The following ABCA1 variants were observed in gnomAD, a reference collection of about 807,000 sequenced individuals.
The protein encoded by ABCA1 is ATP binding cassette subfamily A member 1.
A neutral mutation model predicts 262.5 loss-of-function variants in ABCA1; 133 were observed. The observed-to-expected ratio is 0.51, with a 90% CI of 0.44 to 0.59. The LOEUF (loss-of-function observed/expected upper bound fraction) is 0.59, where lower values mean the gene tolerates loss of function less well. Among genes scored for constraint, ABCA1 ranks in the 20% least tolerant of loss-of-function variants. ABCA1 has a pLI of 0.00. For missense variants in ABCA1, 2,452 were observed against 2,777.5 expected (o/e 0.88, Z 2.63); for synonymous variants, 1,022 against 1,043.5 (o/e 0.98, Z 0.40).
chr9:104,816,502 G>A (rs530217147), intron 24 of ABCA1, among the ~76,000 whole-genome samples, 157 bp from the exon 25 acceptor site: 1 of 152,152 alleles, frequency 6.6e-6, no homozygotes, highest in Non-Finnish European at 1.5e-5. Context: ...CTGGTCTGAG[G>A]GTTGGGGGCA....
chr9:104,922,418 C>T (rs935881878), intron 1 of ABCA1, among the ~76,000 whole-genome samples: 1 of 152,138 alleles, frequency 6.6e-6, no homozygotes, highest in Non-Finnish European at 1.5e-5. Context: ...GGTAAACTCA[C>T]GGAAGCCAAA....
At chr9:104,808,155 G>C (rs1830960102) in intron 30 of ABCA1, among the ~76,000 whole-genome samples, 1 of 152,110 alleles carries the variant, frequency 6.6e-6, no homozygotes, top group African/African-American at 2.4e-5. Flanking sequence ...TTGAATTTCA[G>C]TAAGAATTGT....
At chr9:104,863,625 C>A (rs1399942156) in intron 5 of ABCA1, among the ~76,000 whole-genome samples, 1 of 152,184 alleles carries the variant, frequency 6.6e-6, no homozygotes, top group African/African-American at 2.4e-5. Context: ...CTGCTTTAGG[C>A]AAACTTCAGT....
rs1225776181 is a variant in ABCA1, at chr9:104,795,992, A to G, written c.5382+61T>C. On this transcript the variant is annotated intron_variant, in intron 39 of 49. Coordinates refer to ENST00000374736, the MANE Select transcript of ABCA1 (RefSeq NM_005502.4). ...AAGTGGAATAAGATCACAATTAAAC[A>G]CTGTCCTCTGGCTCCCAGAGATGCT... 4.4e-6 allele frequency: 7 copies of G among 1,608,116 alleles called. No individual in the cohort carries two copies. The Admixed American group carries it at 1.0e-4, about 23-fold the overall frequency.
Position 104,793,178 on chromosome 9 carries a change from T to A in ABCA1, c.5629A>T (p.Arg1877Trp), listed in dbSNP as rs1438198598. ...TTCTAAGAAAAAGCTCACCTGGGCC[T>A]GATGAAGAATCTGTACTGGATCAGA... The part of the protein sequence containing the change: ...TVLIQYRFFI[R>W]PRPVNAKLSP... Residue 1877 changes from arginine (R) to tryptophan (W), a missense_variant, in exon 41 of 50, where the codon AGG (arginine) becomes TGG (tryptophan). By Grantham distance (101) the Arg-to-Trp change is moderately radical. This residue lies in a region of ABCA1 where 752 missense variants were observed against 944.5 expected (regional missense o/e 0.80). Coordinates refer to ENST00000374736, the MANE Select transcript of ABCA1 (RefSeq NM_005502.4). The A allele has an allele frequency of 1.2e-6, 2 of 1,614,116 alleles. No homozygotes were observed. Among genetic ancestry groups the A allele is most frequent in the East Asian group, 4.5e-5 (2 of 44,882 alleles).
At chr9:104,862,401 G>A (rs1348487593) in intron 5 of ABCA1, among the ~76,000 whole-genome samples, 1 of 95,316 alleles carries the variant, frequency 1.0e-5, no homozygotes, top group African/African-American at 6.1e-5. Context: ...GAGCCACCAT[G>A]CCCGGTCTTT....
rs772632471 is a variant in ABCA1 at position 104,785,600 on chromosome 9, C to A, written c.6441G>T (p.Gly2147=). The A allele has an allele frequency of 6.2e-7, 1 of 1,614,052 alleles. No homozygotes were observed. The highest frequency in any genetic ancestry group is 2.2e-5 in the East Asian group (1 of 44,884). The change falls in exon 49 of 50, where the codon GGG becomes GGT. Residue 2147 remains glycine, a synonymous_variant. Coordinates refer to ENST00000374736, the MANE Select transcript of ABCA1 (RefSeq NM_005502.4). ...GGACAGGCTTCAGGTCCGGGTTGGA[C>A]CCTGCTATTCGTACAACTATTGTAT... ...DGYTIVVRIA[G]SNPDLKPVQD...
chr9:104,828,078 T>C (rs780779676), intron 15 of ABCA1, among the ~76,000 whole-genome samples: 16 of 152,216 alleles, frequency 1.1e-4, no homozygotes, highest in African/African-American at 3.6e-4. Context: ...AATTCGGATA[T>C]AAATATATTA....
At chr9:104,861,844 A>C in intron 5 of ABCA1, 44 bp from the exon 6 acceptor site, 5 of 703,454 alleles carry the variant, frequency 7.1e-6, no homozygotes, top group Admixed American at 4.4e-5. Flanking sequence ...AAGTAACTCA[A>C]AAAAAAAAAA....
intron 2 of ABCA1, among the ~76,000 whole-genome samples, chr9:104,891,657 T>C (rs1458058494): frequency 1.3e-5 from 2 of 151,110 alleles, no homozygotes; most frequent in Admixed American, 1.3e-4. Flanking sequence ...TGACAGTGGA[T>C]GTACTAGGAT....
At position 104,827,089 on chromosome 9, in the gene ABCA1, C is replaced by G; in HGVS notation, c.2196G>C (p.Gln732His). 6.2e-7 allele frequency: 1 copy of G among 1,614,200 alleles called. No individual in the cohort carries two copies. Among genetic ancestry groups the G allele is most frequent in the Non-Finnish European group, 8.5e-7 (1 of 1,180,036 alleles). Residue 732 changes from glutamine to histidine, a missense_variant, in exon 16 of 50, where the codon CAG (glutamine) becomes CAC (histidine). Coordinates refer to ENST00000374736, the MANE Select transcript of ABCA1 (RefSeq NM_005502.4). Reference sequence around the variant, plus strand: ...AGAAGAGTGTGCTAATCAGGAAGCACTGCAGGATTGTCACCACAGCAAACA... The same window carrying G: ...AGAAGAGTGTGCTAATCAGGAAGCAGTGCAGGATTGTCACCACAGCAAACA... ...LSVFAVVTIL[Q>H]CFLISTLFSR... is the part of the protein sequence containing the mutation.
At position 104,793,315 on chromosome 9, in the gene ABCA1, G is replaced by A. The variant is rs757209879; in HGVS notation, c.5507-15C>T. On this transcript the variant is annotated splice_polypyrimidine_tract_variant and intron_variant, in intron 40 of 49. Coordinates refer to ENST00000374736, the MANE Select transcript of ABCA1 (RefSeq NM_005502.4). ...GCGATTCTCCCCTAGTAGACACAAT[G>A]CAGAGATCCGGTCAGAATGGAGGGA... The A allele has an allele frequency of 6.2e-7, 1 of 1,614,062 alleles. No individual in the cohort carries two copies. The highest frequency in any genetic ancestry group is 8.5e-7 in the Non-Finnish European group (1 of 1,179,986).
rs1588300788 is a variant in ABCA1, at chr9:104,821,420, C to T, written c.2915G>A (p.Arg972Gln). The part of the protein sequence containing the change: ...KDIRSEMSTI[R>Q]QNLGVCPQHN... Reference sequence around the variant, plus strand: ...CTGGGGACAGACCCCCAGGTTCTGCCGGATGGTGCTCATCTCAGAGCGAAT... The same window carrying T: ...CTGGGGACAGACCCCCAGGTTCTGCTGGATGGTGCTCATCTCAGAGCGAAT... Residue 972 changes from arginine to glutamine, a missense_variant, in exon 20 of 50, where the codon CGG becomes CAG. Arg to Gln is a conservative substitution (Grantham distance 43). Coordinates refer to ENST00000374736, the MANE Select transcript of ABCA1 (RefSeq NM_005502.4). 2.5e-6 allele frequency: 4 copies of T among 1,613,968 alleles called. No homozygotes were observed. Among genetic ancestry groups the T allele is most frequent in the African/African-American group, 1.3e-5 (1 of 74,896 alleles).
Position 104,803,325 on chromosome 9 carries a change from A to G in ABCA1, c.4560-9T>C. 3 of 1,614,086 alleles carry G rather than the reference A, an allele frequency of 1.9e-6. No homozygotes were observed. The highest frequency in any genetic ancestry group is 2.5e-6 in the Non-Finnish European group (3 of 1,179,926). ...AGATCTTGTTCTTTAAGCTGCAGAGACAAAGAAACAAAAAATCAGTTCAAA... is the reference window on the plus strand; with the variant it reads ...AGATCTTGTTCTTTAAGCTGCAGAGGCAAAGAAACAAAAAATCAGTTCAAA... On this transcript the variant is annotated splice_polypyrimidine_tract_variant and intron_variant, in intron 32 of 49. Transcript: ENST00000374736.
At chr9:104,855,510 C>A (rs1835760995) in intron 7 of ABCA1, 2 of 723,364 alleles carry the variant, frequency 2.8e-6, no homozygotes. Context: ...TGGCTGAAAA[C>A]TTCTATCTTG....
chr9:104,788,636 A>G, intron 44 of ABCA1, 69 bp from the exon 45 acceptor site: 2 of 1,561,602 alleles, frequency 1.3e-6, no homozygotes, highest in Non-Finnish European at 1.8e-6. Flanking sequence ...AATCTGGCCT[A>G]ATGTTCCTGT....
intron 2 of ABCA1, among the ~76,000 whole-genome samples, chr9:104,891,397 TA>T (rs1839732589): frequency 6.6e-6 from 1 of 151,268 alleles, no homozygotes; most frequent in Non-Finnish European, 1.5e-5. Flanking sequence ...CCATCTCTAC[TA>T]AAAATACAAA....
rs777651708 is a variant in ABCA1 at position 104,861,713 on chromosome 9, T to C, written c.509A>G (p.Asp170Gly). 6.2e-7 allele frequency: 1 copy of C among 1,614,060 alleles called. No homozygotes were observed. The highest frequency in any genetic ancestry group is 2.2e-5 in the East Asian group (1 of 44,878). Residue 170 changes from aspartate to glycine, a missense_variant, in exon 6 of 50, where the codon GAC becomes GGC. This residue lies in a region of ABCA1 where 1,032 missense variants were observed against 1,089.7 expected (regional missense o/e 0.95). Transcript: ENST00000374736. ...AATGACATCAGCCCTCAGCATCTTG[T>C]CCACAGTAGACTTTGGGAGAGAGAG... ...HNLSLPKSTV[D>G]KMLRADVILH...
chr9:104,796,259 C>A, intron 38 of ABCA1, 50 bp downstream of exon 38: 1 of 1,613,936 alleles, frequency 6.2e-7, no homozygotes. Context: ...TGACACTGGG[C>A]ACCAAATGCC....
Sources: allele counts gnomAD v4.1 joint callset (sites outside exome capture counted in the v4.1 genomes callset), GRCh38; gene constraint gnomAD v4.1.1; regional missense constraint gnomAD v4.1.1; transcripts MANE v1.5; gene names NCBI Gene and HGNC (gene_info 2026-07-23, HGNC 2026-07-21).